PCM1: variants seen among roughly 807,000 people sequenced by gnomAD.
The protein encoded by PCM1 is pericentriolar material 1, also known as pericentriolar material 1 protein.
Under a neutral mutation model 241.9 loss-of-function variants are expected in PCM1, and 157 were observed. The ratio of observed to expected loss-of-function variants is 0.65; its 90% CI spans 0.57 to 0.74. The LOEUF is 0.74. Among genes scored for constraint, PCM1 ranks in the 30% least tolerant of loss-of-function variants. The probability of loss-of-function intolerance (pLI) is 0.00; values close to 1 mark genes in which losing one functional copy is unlikely to be tolerated. For missense variants in PCM1, 3,478 were observed against 2,360.1 expected, an observed-to-expected ratio of 1.47 and a Z score of -9.81; for synonymous variants, 1,085 against 784.9, an observed-to-expected ratio of 1.38 and a Z score of -6.39.
At chr8:17,960,529 T>TTTTG (rs2071255315) in intron 15 of PCM1, 85 bp downstream of exon 15, 4 of 847,018 alleles carry the variant, frequency 4.7e-6, no homozygotes, top group East Asian at 5.8e-5. Flanking sequence ...TTGTTTTTGT[T>TTTTG]TTTCTTTTTT....
intron 8 of PCM1, among the ~76,000 whole-genome samples, chr8:17,952,498 C>T (rs2066451673): frequency 6.6e-6 from 1 of 152,134 alleles, no homozygotes; most frequent in South Asian, 2.1e-4. Context: ...GTGGGTTCCA[C>T]ATCCATGGAT....
intron 6 of PCM1, among the ~76,000 whole-genome samples, chr8:17,942,312 C>A (rs1053549645): frequency 6.6e-6 from 1 of 152,010 alleles, no homozygotes; most frequent in Non-Finnish European, 1.5e-5. Flanking sequence ...ACTAAAAATA[C>A]AAAAATTAGC....
In PCM1 at chr8:17,957,253, C is replaced by G. The variant is rs778279018; in HGVS notation, c.1647-11C>G. ...GCCTTAAATGACTTCAGGCTGTTTT[C>G]TTTCTTCTAGAAATCCACAAGTAGC... On this transcript the variant is annotated splice_polypyrimidine_tract_variant and intron_variant, in intron 11 of 38. Transcript: ENST00000325083. 1 of 1,569,788 alleles carries G rather than the reference C, an allele frequency of 6.4e-7. No individual in the cohort carries two copies. The highest frequency in any genetic ancestry group is 1.2e-5 in the South Asian group (1 of 83,368).
rs569004379 is a variant in PCM1, at chr8:17,935,031, T to C, written c.-22-558T>C. On this transcript the variant is annotated intron_variant, in intron 2 of 38. Transcript: ENST00000325083. Reference sequence around the variant, plus strand: ...AAAATGTCTTCTAGCCACTGCACTTTTGGATGTTTTGGCCCTAGTCCTGCT... The same window carrying C: ...AAAATGTCTTCTAGCCACTGCACTTCTGGATGTTTTGGCCCTAGTCCTGCT... Among the ~76,000 whole-genome samples the C allele has an allele frequency of 1.0e-3, 157 of 152,046 alleles. 1 individual carries two copies. The highest frequency in any genetic ancestry group is 8.8e-3 in the Admixed American group (134 of 15,292).
chr8:17,957,449 T>C, intron 12 of PCM1, 28 bp downstream of exon 12: 3 of 1,609,540 alleles, frequency 1.9e-6, no homozygotes, highest in Non-Finnish European at 2.6e-6. Flanking sequence ...TACATATAAT[T>C]TTGCTGTGTT....
chr8:17,972,472 A>C lies in PCM1; in HGVS notation c.3728A>C (p.Gln1243Pro). 1 of 1,613,838 alleles carries C rather than the reference A, an allele frequency of 6.2e-7. No homozygotes were observed. The highest frequency in any genetic ancestry group is 1.1e-5 in the South Asian group (1 of 91,036). ...EKSTSSNRKN[Q>P]LDTNGRRRQF... ...TCTACAAGTAGTAACCGCAAAAATC[A>C]ATTAGATACAAACGGAAGAAGACGC... is the stretch of plus-strand genomic sequence containing the variant. Residue 1243 changes from glutamine to proline, a missense_variant, in exon 23 of 39, where the codon CAA becomes CCA. Coordinates refer to ENST00000325083, the MANE Select transcript of PCM1 (RefSeq NM_006197.4).
Position 17,950,874 on chromosome 8 carries a change from T to G in PCM1, c.1071+150T>G. On this transcript the variant is annotated intron_variant, in intron 8 of 38. Coordinates refer to ENST00000325083, the MANE Select transcript of PCM1 (RefSeq NM_006197.4). ...GTGGGGTCCCCCCCACCTTCAAAAT[T>G]ACGATTCATGGATTTGGGGTGGGCT... is the stretch of plus-strand genomic sequence containing the variant. 3 of 620,874 alleles carry G rather than the reference T, an allele frequency of 4.8e-6. No individual in the cohort carries two copies. The South Asian group carries it at 6.0e-5, about 12-fold the overall frequency. 38.5% of individuals were successfully genotyped at this position (620,874 alleles called of 1,614,324 possible). A position where few individuals can be genotyped will look rare whatever the true frequency, so the allele number is the denominator to read the frequency against.
At chr8:17,963,750 TAA>T (rs1451999988) in intron 17 of PCM1, among the ~76,000 whole-genome samples, 1 of 152,208 alleles carries the variant, frequency 6.6e-6, no homozygotes. Flanking sequence ...AGAATATTTC[TAA>T]AAGAGTTGGT....
chr8:17,994,167 A>G (rs189559757), intron 29 of PCM1, among the ~76,000 whole-genome samples: 5 of 152,262 alleles, frequency 3.3e-5, no homozygotes, highest in African/African-American at 1.2e-4. Flanking sequence ...CCCATTAACC[A>G]TCTTCCCTAT....
Position 17,963,083 on chromosome 8 carries a change from G to C in PCM1, c.2464-18G>C. The C allele has an allele frequency of 1.3e-6, 2 of 1,570,952 alleles. No homozygotes were observed. The highest frequency in any genetic ancestry group is 1.7e-6 in the Non-Finnish European group (2 of 1,154,892). On this transcript the variant is annotated intron_variant, in intron 16 of 38. Transcript: ENST00000325083. ...AAATCCAAATATTTATTTAACTCTGGTTTCTTAAAAAAAATAGTTGTGGTC... is the reference window on the plus strand; with the variant it reads ...AAATCCAAATATTTATTTAACTCTGCTTTCTTAAAAAAAATAGTTGTGGTC...
In PCM1 at chr8:17,966,453, G is replaced by A; in HGVS notation, c.3201G>A (p.Trp1067Ter). ...ACCAGTGCTATACTCAGCTAACATGGCAACAGAATAATGTTCAGAGGTAAT... is the reference window on the plus strand; with the variant it reads ...ACCAGTGCTATACTCAGCTAACATGACAACAGAATAATGTTCAGAGGTAAT... ...QLNQCYTQLT[W>*]QQNNVQRLKQ... is the part of the protein sequence containing the mutation. Residue 1067 changes from tryptophan to a stop codon, truncating the protein, a stop_gained, in exon 20 of 39, where the codon TGG (tryptophan) becomes TGA (stop). Coordinates refer to ENST00000325083, the MANE Select transcript of PCM1 (RefSeq NM_006197.4). LOFTEE classifies it high-confidence loss of function. The A allele has an allele frequency of 1.2e-6, 2 of 1,613,668 alleles. No individual in the cohort carries two copies. Among genetic ancestry groups the A allele is most frequent in the Non-Finnish European group, 1.7e-6 (2 of 1,179,724 alleles).
chr8:18,015,596 C>CT (rs1327367831), intron 36 of PCM1: 2 of 152,106 alleles, frequency 1.3e-5, no homozygotes, highest in Non-Finnish European at 2.9e-5. Context: ...AAATACTTGC[C>CT]TCTGATATTT....
At position 17,964,650 on chromosome 8, in the gene PCM1, G is replaced by C. The variant is rs772615586; in HGVS notation, c.2737G>C (p.Val913Leu). 1.1e-5 allele frequency: 18 copies of C among 1,613,828 alleles called. No individual in the cohort carries two copies. Among genetic ancestry groups the C allele is most frequent in the Non-Finnish European group, 1.5e-5 (18 of 1,179,836 alleles). Residue 913 changes from valine to leucine, a missense_variant, in exon 18 of 39, where the codon GTT becomes CTT. Val to Leu is a conservative substitution (Grantham distance 32, BLOSUM62 1). Transcript: ENST00000325083. Reference protein sequence around the residue: ...DEDGYLSEGIVRTDEEEEEEQ... With the variant: ...DEDGYLSEGILRTDEEEEEEQ... Reference sequence around the variant, plus strand: ...AGACGGTTACCTTTCTGAAGGAATTGTTCGGACAGATGAAGAGGAGGAAGA... The same window carrying C: ...AGACGGTTACCTTTCTGAAGGAATTCTTCGGACAGATGAAGAGGAGGAAGA...
intron 13 of PCM1, among the ~76,000 whole-genome samples, chr8:17,959,108 A>G (rs917411974): frequency 5.9e-5 from 9 of 152,082 alleles, no homozygotes; most frequent in Non-Finnish European, 1.0e-4. Flanking sequence ...GTACATCACT[A>G]TGCACCTATT....
chr8:17,935,521 AT>A lies in PCM1; in HGVS notation c.-22-67del, dbSNP rs2060162639. On this transcript the variant is annotated intron_variant, in intron 2 of 38. Transcript: ENST00000325083. ...TTCAAAGATTGTATTGCTAAACTTC[AT>A]GGAATGATTTGAAAATTGAATTTGT... 7.8e-6 allele frequency: 5 copies of A among 637,870 alleles called. No individual in the cohort carries two copies. In the African/African-American group the frequency reaches 9.1e-5, roughly 12 times the overall value. 39.5% of individuals were successfully genotyped at this position (637,870 alleles called of 1,614,324 possible).
chr8:18,007,700 T>C (rs533857966), intron 30 of PCM1, among the ~76,000 whole-genome samples: 9 of 152,334 alleles, frequency 5.9e-5, no homozygotes, highest in African/African-American at 2.2e-4. Context: ...GCCCAGAGTA[T>C]TGAAAAATTT....
At chr8:17,973,316 A>G (rs2077466676) in intron 23 of PCM1, among the ~76,000 whole-genome samples, 1 of 152,200 alleles carries the variant, frequency 6.6e-6, no homozygotes, top group African/African-American at 2.4e-5. Context: ...GGTTAAAAAT[A>G]GTTTCATTAG....
intron 29 of PCM1, among the ~76,000 whole-genome samples, chr8:17,999,571 C>G (rs1458827694): frequency 6.6e-6 from 1 of 151,968 alleles, no homozygotes; most frequent in Non-Finnish European, 1.5e-5. Flanking sequence ...TTGCTCTCGT[C>G]TCCTCAAGCA....
chr8:17,994,664 A>G (rs925654901), intron 29 of PCM1, among the ~76,000 whole-genome samples: 4 of 152,196 alleles, frequency 2.6e-5, no homozygotes, highest in Admixed American at 1.3e-4. Context: ...CCAGCAGTGT[A>G]TGAAAGTTCC....
Sources: allele counts gnomAD v4.1 joint callset (sites outside exome capture counted in the v4.1 genomes callset), GRCh38; gene constraint gnomAD v4.1.1; transcripts MANE v1.5; gene names NCBI Gene and HGNC (gene_info 2026-07-23, HGNC 2026-07-21).